The following PPP2R2B variants were observed in gnomAD, a reference collection of about 807,000 sequenced individuals.
PPP2R2B encodes the protein serine/threonine-protein phosphatase 2A 55 kDa regulatory subunit B beta isoform.
Under a neutral mutation model 46.0 loss-of-function variants are expected in PPP2R2B, and 5 were observed. That is an observed-to-expected ratio of 0.11 (90% CI 0.06 to 0.23). The LOEUF (loss-of-function observed/expected upper bound fraction) is 0.23. PPP2R2B is among the 10% of genes least tolerant of loss of function. The pLI, the probability that PPP2R2B is intolerant of heterozygous loss-of-function variation, is 1.00. For synonymous variants in PPP2R2B, 215 were observed against 206.7 expected, an observed-to-expected ratio of 1.04 and a Z score of -0.34; for missense variants, 367 against 575.0, an observed-to-expected ratio of 0.64 and a Z score of 3.70.
intron 1 of PPP2R2B, among the ~76,000 whole-genome samples, chr5:147,036,755 AT>A (rs1323845337): frequency 1.3e-5 from 2 of 152,152 alleles, no homozygotes; most frequent in African/African-American, 4.8e-5. Flanking sequence ...AAATGCAATT[AT>A]TTTACGCATT....
chr5:146,657,502 G>A (rs322981), intron 5 of PPP2R2B, among the ~76,000 whole-genome samples: 5,373 of 152,212 alleles, frequency 0.035, 334 homozygotes, highest in African/African-American at 0.12. Context: ...TGCTTGTTAC[G>A]TACAAGCATA....
chr5:147,006,563 A>G (rs988075683), intron 1 of PPP2R2B, among the ~76,000 whole-genome samples: 1 of 152,168 alleles, frequency 6.6e-6, no homozygotes, highest in Non-Finnish European at 1.5e-5. Flanking sequence ...CTGCTACAGA[A>G]ACCAGAATAG....
chr5:146,637,754 T>C (rs1323904865), intron 7 of PPP2R2B, among the ~76,000 whole-genome samples: 1 of 152,222 alleles, frequency 6.6e-6, no homozygotes, highest in Non-Finnish European at 1.5e-5. Flanking sequence ...AGATGGCTTT[T>C]ATGTTCTCAG....
intron 1 of PPP2R2B, chr5:147,055,552 G>C (rs908684435): frequency 1.1e-6 from 1 of 909,216 alleles, no homozygotes. Context: ...GCTTTTGCCA[G>C]GAATGACAGT....
At chr5:146,606,751 T>G (rs528964215) in intron 7 of PPP2R2B, among the ~76,000 whole-genome samples, 3 of 152,190 alleles carry the variant, frequency 2.0e-5, no homozygotes, top group Non-Finnish European at 4.4e-5. Flanking sequence ...CATACTAGCT[T>G]GTTTCTGAAC....
At chr5:147,033,450 C>A (rs569916863) in intron 1 of PPP2R2B, among the ~76,000 whole-genome samples, 2 of 152,128 alleles carry the variant, frequency 1.3e-5, no homozygotes, top group Non-Finnish European at 2.9e-5. Context: ...ATGACCAGTA[C>A]TCATAACTTA....
intron 5 of PPP2R2B, among the ~76,000 whole-genome samples, chr5:146,686,576 T>A (rs1432152739): frequency 1.3e-5 from 2 of 152,186 alleles, no homozygotes; most frequent in African/African-American, 4.8e-5. Flanking sequence ...TATTTTTATT[T>A]GTTGTAAGGC....
intron 5 of PPP2R2B, among the ~76,000 whole-genome samples, chr5:146,651,560 CT>C (rs1159229726): frequency 7.2e-5 from 11 of 152,118 alleles, no homozygotes; most frequent in African/African-American, 2.7e-4. Flanking sequence ...ACTCTTCCTC[CT>C]TTGAGTTCTG....
At chr5:146,678,752 GACAA>G (rs1777918382) in intron 5 of PPP2R2B, among the ~76,000 whole-genome samples, 4 of 144,516 alleles carry the variant, frequency 2.8e-5, no homozygotes, top group Admixed American at 2.0e-4. Flanking sequence ...ACCAACAACA[GACAA>G]ACAGAGAGCC....
At chr5:147,027,430 C>G (rs747328543) in intron 1 of PPP2R2B, among the ~76,000 whole-genome samples, 10 of 152,004 alleles carry the variant, frequency 6.6e-5, no homozygotes, top group Non-Finnish European at 8.8e-5. Context: ...GTCAGGAGAT[C>G]GAGACCATCC....
chr5:146,811,929 G>A (rs562131192), intron 2 of PPP2R2B, among the ~76,000 whole-genome samples: 1 of 151,884 alleles, frequency 6.6e-6, no homozygotes, highest in Non-Finnish European at 1.5e-5. Flanking sequence ...CTGACACACT[G>A]TTCATTCATC....
chr5:146,716,483 C>CT (rs753283917), intron 2 of PPP2R2B, among the ~76,000 whole-genome samples: 5 of 152,270 alleles, frequency 3.3e-5, no homozygotes, highest in Middle Eastern at 3.4e-3. Context: ...AGCTCTTAAC[C>CT]TTTATTAGGA....
intron 2 of PPP2R2B, among the ~76,000 whole-genome samples, chr5:146,776,975 T>C (rs185856634): frequency 6.6e-6 from 1 of 152,244 alleles, no homozygotes; most frequent in East Asian, 1.9e-4. Context: ...AAGATGGCTA[T>C]AATTTTTAAA....
rs1000399254 is a variant in PPP2R2B, at chr5:146,656,748, G to C, written c.448-6024C>G. 4 of 152,556 alleles carry C rather than the reference G, an allele frequency of 2.6e-5. 1 individual carries two copies. In the Middle Eastern group the frequency reaches 0.014, roughly 515 times the overall value. 9.5% of individuals were successfully genotyped at this position (152,556 alleles called of 1,614,324 possible). A position where few individuals can be genotyped will look rare whatever the true frequency, so the allele number is the denominator to read the frequency against. On this transcript the variant is annotated intron_variant, in intron 5 of 9. Coordinates refer to ENST00000394411, the MANE Select transcript of PPP2R2B (RefSeq NM_181675.4). ...AGTGAGTAAGGAAGCATGGCAGTTG[G>C]AGAAGATGTTGGATCAGTAGTCAGG...
At chr5:146,639,025 A>G (rs1047050877) in intron 6 of PPP2R2B, among the ~76,000 whole-genome samples, 3 of 152,238 alleles carry the variant, frequency 2.0e-5, no homozygotes, top group Admixed American at 6.5e-5. Context: ...AGAACTCTAT[A>G]TAATTAGCGT....
At chr5:146,989,295 A>C (rs1186376072) in intron 1 of PPP2R2B, among the ~76,000 whole-genome samples, 1 of 152,090 alleles carries the variant, frequency 6.6e-6, no homozygotes, top group African/African-American at 2.4e-5. Flanking sequence ...AGGACACAAC[A>C]AAAAAGAAAA....
Position 146,683,847 on chromosome 5 carries a change from G to T in PPP2R2B, c.447+7281C>A, listed in dbSNP as rs571642438. On this transcript the variant is annotated intron_variant, in intron 5 of 9. Transcript: ENST00000394411. ...ATGATGGCAATCAATAATGATAACA[G>T]AAATTATTATTTATTTTCATAAACA... Among the ~76,000 whole-genome samples, 14 of 152,242 alleles carry T rather than the reference G, an allele frequency of 9.2e-5. No individual in the cohort carries two copies. In the East Asian group the frequency reaches 1.2e-3, roughly 13 times the overall value.
rs573275460 is a variant in PPP2R2B at position 146,811,097 on chromosome 5, G to A, written c.70+66905C>T. Among the ~76,000 whole-genome samples the A allele has an allele frequency of 3.4e-3, 515 of 152,166 alleles. 4 individuals are homozygous for A. Among genetic ancestry groups the A allele is most frequent in the Admixed American group, 0.019 (284 of 15,284 alleles). ...CAGCTCACTGCAACCTCCGCCTCCCGGGTTCAAGTAATTCTCCTGCCTCAG... is the reference window on the plus strand; with the variant it reads ...CAGCTCACTGCAACCTCCGCCTCCCAGGTTCAAGTAATTCTCCTGCCTCAG... On this transcript the variant is annotated intron_variant, in intron 2 of 9. Transcript: ENST00000394411.
chr5:146,929,090 A>T (rs990028526), intron 1 of PPP2R2B, among the ~76,000 whole-genome samples: 2 of 152,056 alleles, frequency 1.3e-5, no homozygotes, highest in Non-Finnish European at 2.9e-5. Flanking sequence ...CCCACCCTGT[A>T]TTTATAATTG....
Sources: allele counts gnomAD v4.1 joint callset (sites outside exome capture counted in the v4.1 genomes callset), GRCh38; gene constraint gnomAD v4.1.1; transcripts MANE v1.5; gene names NCBI Gene and HGNC (gene_info 2026-07-23, HGNC 2026-07-21).